GAPVD1: variants seen among roughly 807,000 people sequenced by gnomAD.
GAPVD1 encodes GTPase-activating protein and VPS9 domain-containing protein 1.
Under a neutral mutation model 155.5 loss-of-function variants are expected in GAPVD1, and 35 were observed. The observed-to-expected ratio is 0.23, with a 90% CI of 0.17 to 0.30. The LOEUF (loss-of-function observed/expected upper bound fraction) is 0.30. GAPVD1 is among the 10% of genes least tolerant of loss of function. The pLI is 1.00. For missense variants in GAPVD1, 1,429 were observed against 1,775.7 expected, an observed-to-expected ratio of 0.80 and a Z score of 3.51; for synonymous variants, 636 against 619.7, an observed-to-expected ratio of 1.03 and a Z score of -0.39.
At chr9:125,315,541 C>G (rs148111153) in intron 9 of GAPVD1, among the ~76,000 whole-genome samples, 8 of 152,206 alleles carry the variant, frequency 5.3e-5, no homozygotes, top group South Asian at 2.1e-4. Flanking sequence ...TTTGATCTGT[C>G]TGGTAGGTCC....
intron 2 of GAPVD1, among the ~76,000 whole-genome samples, chr9:125,278,559 G>T (rs1836201743): frequency 6.6e-6 from 1 of 151,730 alleles, no homozygotes. Context: ...ATTAGGCCAG[G>T]CAAGGTGGTT....
chr9:125,271,049 T>C (rs1834826102), intron 2 of GAPVD1, among the ~76,000 whole-genome samples: 1 of 152,202 alleles, frequency 6.6e-6, no homozygotes, highest in African/African-American at 2.4e-5. Context: ...AGATACCTGA[T>C]AAATGCTTGT....
At chr9:125,276,453 A>T (rs1379128133) in intron 2 of GAPVD1, among the ~76,000 whole-genome samples, 1 of 152,140 alleles carries the variant, frequency 6.6e-6, no homozygotes, top group Non-Finnish European at 1.5e-5. Flanking sequence ...GCACTTTGGG[A>T]TTACACAGGC....
At chr9:125,296,165 C>T (rs1402759246) in intron 3 of GAPVD1, among the ~76,000 whole-genome samples, 1 of 150,934 alleles carries the variant, frequency 6.6e-6, no homozygotes, top group Non-Finnish European at 1.5e-5. Flanking sequence ...CATCCTAACA[C>T]TTTCTTTCTT....
intron 1 of GAPVD1, among the ~76,000 whole-genome samples, chr9:125,268,541 G>C (rs1217055380): frequency 3.3e-5 from 4 of 122,578 alleles, no homozygotes; most frequent in African/African-American, 1.3e-4. Context: ...GGTCTGTCAT[G>C]CAGGCTGGAG....
chr9:125,362,617 C>A lies in GAPVD1; in HGVS notation c.4254C>A (p.Pro1418=). The change falls in exon 28 of 28, where the codon CCC becomes CCA. Residue 1418 remains proline (P), a synonymous_variant. Transcript: ENST00000297933. ...TTTCACTTCTCTAGGCAAATCCACC[C>A]TGTTTGCTGTCTACTGTGCAGTATA... ...LVFVLIKANP[P]CLLSTVQYIS... The A allele has an allele frequency of 6.2e-7, 1 of 1,602,802 alleles. No homozygotes were observed. The highest frequency in any genetic ancestry group is 1.1e-5 in the South Asian group (1 of 88,360).
At chr9:125,335,550 G>A (rs189058956) in intron 15 of GAPVD1, among the ~76,000 whole-genome samples, 1 of 151,968 alleles carries the variant, frequency 6.6e-6, no homozygotes, top group East Asian at 2.0e-4. Flanking sequence ...GGTGGCGTGT[G>A]CCTGTAATGC....
chr9:125,325,659 A>C (rs1207036398), intron 11 of GAPVD1, among the ~76,000 whole-genome samples: 3 of 152,214 alleles, frequency 2.0e-5, no homozygotes, highest in Admixed American at 1.3e-4. Context: ...AGTTTTTAGA[A>C]AGAAAAAGAG....
At chr9:125,336,981 G>T in intron 15 of GAPVD1, 37 bp from the exon 16 acceptor site, 1 of 1,208,800 alleles carries the variant, frequency 8.3e-7, no homozygotes, top group Non-Finnish European at 1.2e-6. Flanking sequence ...TCTGTCCTGC[G>T]TCCTGGCTTG....
chr9:125,314,094 G>T (rs769793459), intron 9 of GAPVD1, among the ~76,000 whole-genome samples: 5 of 152,154 alleles, frequency 3.3e-5, no homozygotes, highest in Non-Finnish European at 5.9e-5. Flanking sequence ...GGAGATTGTG[G>T]TATGGAAATT....
chr9:125,328,611 G>C (rs910604077), intron 12 of GAPVD1, among the ~76,000 whole-genome samples: 1 of 149,866 alleles, frequency 6.7e-6, no homozygotes, highest in Non-Finnish European at 1.5e-5. Context: ...TTTCTACACA[G>C]ACAGGGCAAC....
chr9:125,295,429 CTTT>C (rs35877971), intron 2 of GAPVD1, 26 bp from the exon 3 acceptor site: 36 of 105,232 alleles, frequency 3.4e-4, no homozygotes, highest in East Asian at 5.5e-4. Context: ...TTTCCTCAAT[CTTT>C]TTTTTTTTTT....
At chr9:125,269,950 C>T (rs1834623078) in intron 2 of GAPVD1, among the ~76,000 whole-genome samples, 1 of 151,762 alleles carries the variant, frequency 6.6e-6, no homozygotes, top group Non-Finnish European at 1.5e-5. Context: ...AACTCCTACT[C>T]TCAAGTGATC....
At chr9:125,331,800 C>G (rs1846121702) in intron 13 of GAPVD1, 126 bp from the exon 14 acceptor site, 2 of 792,188 alleles carry the variant, frequency 2.5e-6, no homozygotes, top group East Asian at 2.5e-5. Flanking sequence ...CTAGTCCAGA[C>G]TTACACATGT....
At chr9:125,336,778 G>A in intron 15 of GAPVD1, 1 of 479,576 alleles carries the variant, frequency 2.1e-6, no homozygotes, top group Non-Finnish European at 3.7e-6. Context: ...GCCATTAGAA[G>A]TAACAGGCAT....
At position 125,326,658 on chromosome 9, in the gene GAPVD1, G is replaced by A. The variant is rs958124986; in HGVS notation, c.2032+69G>A. ...TCAAATCCACCAACCTTTCATGGGA[G>A]GGAGCACCAGTGCCCTGACAAACAT... On this transcript the variant is annotated intron_variant, in intron 12 of 27. Coordinates refer to ENST00000297933, the MANE Select transcript of GAPVD1 (RefSeq NM_001282680.3). The A allele has an allele frequency of 5.6e-6, 6 of 1,080,384 alleles. No homozygotes were observed. In the African/African-American group the frequency reaches 6.2e-5, roughly 11 times the overall value. 66.9% of individuals were successfully genotyped at this position (1,080,384 alleles called of 1,614,324 possible).
At position 125,337,081 on chromosome 9, in the gene GAPVD1, T is replaced by C; in HGVS notation, c.2492T>C (p.Leu831Pro). The change falls in exon 16 of 28, where the codon CTG (leucine) becomes CCG (proline). Residue 831 changes from leucine to proline, a missense_variant. This residue lies in a region of GAPVD1 where 699 missense variants were observed against 826.0 expected (regional missense o/e 0.85). Coordinates refer to ENST00000297933, the MANE Select transcript of GAPVD1 (RefSeq NM_001282680.3). ...TCTCTGCTGGCCATGTTTGATCCAC[T>C]GTCTTCACATGAAGGTAAACCAGTG... The part of the protein sequence containing the change: ...SESLLAMFDP[L>P]SSHEGASAVV... The C allele has an allele frequency of 6.2e-7, 1 of 1,612,290 alleles. No individual in the cohort carries two copies. The highest frequency in any genetic ancestry group is 8.5e-7 in the Non-Finnish European group (1 of 1,178,288).
At chr9:125,275,341 GC>G (rs1436028344) in intron 2 of GAPVD1, among the ~76,000 whole-genome samples, 2 of 152,190 alleles carry the variant, frequency 1.3e-5, no homozygotes, top group Non-Finnish European at 2.9e-5. Context: ...CTCCCAAAAT[GC>G]TGGGATTACA....
chr9:125,283,344 C>T (rs1837116517), intron 2 of GAPVD1, among the ~76,000 whole-genome samples: 1 of 151,664 alleles, frequency 6.6e-6, no homozygotes, highest in Non-Finnish European at 1.5e-5. Flanking sequence ...CAGGTGTGAG[C>T]CACCGCACCC....
Sources: allele counts gnomAD v4.1 joint callset (sites outside exome capture counted in the v4.1 genomes callset), GRCh38; gene constraint gnomAD v4.1.1; regional missense constraint gnomAD v4.1.1; transcripts MANE v1.5; gene names NCBI Gene and HGNC (gene_info 2026-07-23, HGNC 2026-07-21).